Variants in NCALD observed in about 807,000 individuals in gnomAD.
The protein encoded by NCALD is neurocalcin-delta.
NCALD carries 10 observed loss-of-function variants against 18.6 expected under a neutral mutation model. That is an observed-to-expected ratio of 0.54 (90% confidence interval 0.33 to 0.91). The LOEUF is 0.91. NCALD is among the 40% of genes least tolerant of loss of function. The pLI is 0.03. For synonymous variants in NCALD, 88 were observed against 87.4 expected, an observed-to-expected ratio of 1.01 and a Z score of -0.04; for missense variants, 184 against 247.6, an observed-to-expected ratio of 0.74 and a Z score of 1.72.
At position 101,835,698 on chromosome 8, in the gene NCALD, C is replaced by CTG. The variant is rs1243629679; in HGVS notation, c.-20+51441_-20+51442dup. Among the ~76,000 whole-genome samples the CTG allele has an allele frequency of 2.0e-5, 3 of 152,164 alleles. No homozygotes were observed. In the South Asian group the frequency reaches 6.2e-4, roughly 32 times the overall value. ...GAACTTGCTCATATGGTATACCTAG[C>CTG]TGTGTGTGTGAGTGTGTGTGCATGC... On this transcript the variant is annotated intron_variant, in intron 4 of 6. Transcript: ENST00000311028.
At position 101,845,126 on chromosome 8, in the gene NCALD, C is replaced by T. The variant is rs553644426; in HGVS notation, c.-20+42015G>A. 9.8e-5 allele frequency among the ~76,000 whole-genome samples: 15 copies of T among 152,296 alleles called. No homozygotes were observed. In the East Asian group the frequency reaches 1.9e-3, roughly 20 times the overall value. ...GAAGGGAGCCAGGGGCAGTGCCACT[C>T]GAAGGAGTCAGTCTATGAACGATTT... On this transcript the variant is annotated intron_variant, in intron 4 of 6. Transcript: ENST00000311028.
At chr8:102,054,507 TA>T (rs374350346) in intron 1 of NCALD, among the ~76,000 whole-genome samples, 13 of 152,252 alleles carry the variant, frequency 8.5e-5, no homozygotes, top group African/African-American at 3.1e-4. Flanking sequence ...TTGAACTCCT[TA>T]GGCAGAAAAG....
At chr8:101,792,926 A>G (rs1361439732), upstream of NCALD, among the ~76,000 whole-genome samples, 1 of 152,004 alleles carries the variant, frequency 6.6e-6, no homozygotes, top group Non-Finnish European at 1.5e-5. Context: ...AAAATTCAGG[A>G]CTTTAAATGG....
At chr8:101,774,760 C>T (rs937252460) in intron 1 of NCALD, among the ~76,000 whole-genome samples, 1 of 152,172 alleles carries the variant, frequency 6.6e-6, no homozygotes, top group Non-Finnish European at 1.5e-5. Context: ...TCCACATTCC[C>T]ACATGGCCCA....
chr8:101,948,308 T>C (rs906119452), intron 2 of NCALD, among the ~76,000 whole-genome samples: 2 of 152,194 alleles, frequency 1.3e-5, no homozygotes, highest in African/African-American at 2.4e-5. Flanking sequence ...TGGATGGATA[T>C]AGGAGGTGAA....
At chr8:101,892,739 G>T (rs1264949) in intron 3 of NCALD, among the ~76,000 whole-genome samples, 3 of 148,834 alleles carry the variant, frequency 2.0e-5, no homozygotes, top group African/African-American at 7.8e-5. Flanking sequence ...GAGCTGATGC[G>T]ATCAACTGGA....
At position 102,036,545 on chromosome 8, in the gene NCALD, C is replaced by A. The variant is rs528810276; in HGVS notation, c.-209-16256G>T. Among the ~76,000 whole-genome samples, 3 of 151,872 alleles carry A rather than the reference C, an allele frequency of 2.0e-5. No individual in the cohort carries two copies. The East Asian group carries it at 5.8e-4, about 29-fold the overall frequency. On this transcript the variant is annotated intron_variant, in intron 1 of 6. Coordinates refer to the NCALD transcript ENST00000311028. ...ATCCCAGCACTTTGGGAGGCTGAGG[C>A]GGGAGGATCACCTGAGGTCAGGAGT...
chr8:102,106,464 TATACAC>T (rs1825456222), intron 1 of NCALD, among the ~76,000 whole-genome samples: 1 of 138,552 alleles, frequency 7.2e-6, no homozygotes, highest in Non-Finnish European at 1.6e-5. Context: ...TATATATATA[TATACAC>T]ACACACACAC....
intron 1 of NCALD, among the ~76,000 whole-genome samples, chr8:102,053,098 C>T (rs1823509731): frequency 6.6e-6 from 1 of 152,164 alleles, no homozygotes; most frequent in Non-Finnish European, 1.5e-5. Flanking sequence ...TAGAATCCCA[C>T]AAGGAGACAA....
chr8:101,824,479 A>AT lies in NCALD; in HGVS notation c.-20+62661dup, dbSNP rs199579036. ...TATACTAATCTTTAAATTTTATTTT[A>AT]TTTTTTTTTTTGGCTGAACCAAAGC... On this transcript the variant is annotated intron_variant, in intron 4 of 6. Transcript: ENST00000311028. Among the ~76,000 whole-genome samples, 408 of 147,420 alleles carry AT rather than the reference A, an allele frequency of 2.8e-3. 4 individuals are homozygous for AT. The highest frequency in any genetic ancestry group is 2.6e-3 in the East Asian group (13 of 5,062).
At chr8:101,912,689 A>T (rs1354727610) in intron 3 of NCALD, among the ~76,000 whole-genome samples, 1 of 152,228 alleles carries the variant, frequency 6.6e-6, no homozygotes, top group Non-Finnish European at 1.5e-5. Flanking sequence ...AGCCACTTGC[A>T]TCTGTTTTGT....
At chr8:101,693,147 C>T (rs1814812722) in intron 2 of NCALD, 1 of 361,584 alleles carries the variant, frequency 2.8e-6, no homozygotes, top group African/African-American at 2.1e-5. Flanking sequence ...CCTGTGTCTC[C>T]AATGTTTTTT....
intron 2 of NCALD, among the ~76,000 whole-genome samples, chr8:101,947,327 G>T (rs1020359965): frequency 2.0e-5 from 3 of 152,196 alleles, no homozygotes; most frequent in African/African-American, 7.2e-5. Context: ...AGCTTTGGCA[G>T]AAAAATGCCT....
intron 4 of NCALD, among the ~76,000 whole-genome samples, chr8:101,835,979 G>T (rs918146601): frequency 2.0e-5 from 3 of 152,102 alleles, no homozygotes; most frequent in Admixed American, 1.3e-4. Flanking sequence ...AAGCTGACCT[G>T]CTCTAGCTAC....
At chr8:102,093,163 C>T in intron 1 of NCALD, among the ~76,000 whole-genome samples, 1 of 138,080 alleles carries the variant, frequency 7.2e-6, no homozygotes, top group South Asian at 2.3e-4. Context: ...TGTCTCCAAA[C>T]AAAAAAAAAA....
intron 2 of NCALD, among the ~76,000 whole-genome samples, chr8:101,916,609 T>C (rs1210032962): frequency 6.6e-6 from 1 of 152,044 alleles, no homozygotes; most frequent in Non-Finnish European, 1.5e-5. Context: ...TCCAATTGTC[T>C]GCTGTCTTCA....
rs941552965 is a variant in NCALD at position 101,692,174 on chromosome 8, T to G, written c.484+617A>C. 5.1e-6 allele frequency: 5 copies of G among 985,360 alleles called. No individual in the cohort carries two copies. The African/African-American group carries it at 7.0e-5, about 14-fold the overall frequency. The allele number at this position is 985,360 out of a possible 1,614,324, so 61.0% of individuals were successfully genotyped here. A position where few individuals can be genotyped will look rare whatever the true frequency, so the allele number is the denominator to read the frequency against. Reference sequence around the variant, plus strand: ...TTAAGATCTAAAATCCTTCTGTTCTTAAGTTGGAAATGCAACCTTCTTTTT... The same window carrying G: ...TTAAGATCTAAAATCCTTCTGTTCTGAAGTTGGAAATGCAACCTTCTTTTT... On this transcript the variant is annotated intron_variant, in intron 3 of 3. Transcript: ENST00000220931.
At chr8:101,698,171 C>A (rs545744288) in intron 2 of NCALD, among the ~76,000 whole-genome samples, 5 of 152,218 alleles carry the variant, frequency 3.3e-5, no homozygotes, top group African/African-American at 1.2e-4. Context: ...TAAAAATGAA[C>A]TCCCATTCAC....
chr8:101,739,398 G>T (rs1290019477), intron 1 of NCALD, among the ~76,000 whole-genome samples: 1 of 152,178 alleles, frequency 6.6e-6, no homozygotes. Context: ...CCTGTGTGAT[G>T]GTTAATATTG....
Sources: allele counts gnomAD v4.1 joint callset (sites outside exome capture counted in the v4.1 genomes callset), GRCh38; gene constraint gnomAD v4.1.1; transcripts MANE v1.5; gene names NCBI Gene and HGNC (gene_info 2026-07-23, HGNC 2026-07-21).